Variants in USP13 observed in about 807,000 individuals in gnomAD.
USP13 encodes the protein ubiquitin carboxyl-terminal hydrolase 13.
In USP13, 68 loss-of-function variants were observed where a neutral mutation model predicts 107.8. That is an observed-to-expected ratio of 0.63 (90% CI 0.52 to 0.77). USP13 has a LOEUF of 0.77. USP13 is among the 30% of genes least tolerant of loss of function. USP13 has a pLI of 0.00. For missense variants in USP13, 945 were observed against 1,093.3 expected, an observed-to-expected ratio of 0.86 and a Z score of 1.91; for synonymous variants, 377 against 389.5, an observed-to-expected ratio of 0.97 and a Z score of 0.38.
intron 8 of USP13, among the ~76,000 whole-genome samples, chr3:179,725,651 T>A (rs1713487380): frequency 6.6e-6 from 1 of 152,182 alleles, no homozygotes. Context: ...GCTTTTTCTG[T>A]TTGGTTATTG....
chr3:179,758,699 C>A (rs1714895226), intron 16 of USP13, among the ~76,000 whole-genome samples: 2 of 151,920 alleles, frequency 1.3e-5, no homozygotes, highest in African/African-American at 4.8e-5. Context: ...GGGGTTTTAC[C>A]GTGTTAGCCA....
At position 179,675,140 on chromosome 3, in the gene USP13, A is replaced by G. The variant is rs956015173; in HGVS notation, c.169-6738A>G. ...CAGTGAGCAGAGATCACGCCACTGT[A>G]CTCCAGCCTGGGCGACAGAGTGACA... On this transcript the variant is annotated intron_variant, in intron 1 of 20. Transcript: ENST00000263966. 1.3e-5 allele frequency among the ~76,000 whole-genome samples: 2 copies of G among 151,070 alleles called. 1 individual carries two copies. The highest frequency in any genetic ancestry group is 2.9e-5 in the Non-Finnish European group (2 of 67,816).
chr3:179,664,851 G>T (rs936361653), intron 1 of USP13, among the ~76,000 whole-genome samples: 1 of 152,202 alleles, frequency 6.6e-6, no homozygotes, highest in Admixed American at 6.5e-5. Flanking sequence ...ACTTTGGGAG[G>T]CTGAGGTGGG....
intron 18 of USP13, among the ~76,000 whole-genome samples, chr3:179,765,322 A>G (rs1031366971): frequency 2.0e-5 from 3 of 152,254 alleles, no homozygotes; most frequent in African/African-American, 7.2e-5. Flanking sequence ...TAGTGTGTGC[A>G]ATTAAAGTGG....
intron 13 of USP13, 50 bp downstream of exon 13, chr3:179,745,267 G>A (rs1714360709): frequency 2.5e-6 from 4 of 1,578,078 alleles, no homozygotes; most frequent in Non-Finnish European, 3.5e-6. Flanking sequence ...GGCCTTGAGG[G>A]GTGGGGACAG....
At chr3:179,754,481 A>G (rs1304194467) in intron 14 of USP13, among the ~76,000 whole-genome samples, 1 of 152,196 alleles carries the variant, frequency 6.6e-6, no homozygotes, top group Non-Finnish European at 1.5e-5. Context: ...ATGGGCTGCC[A>G]ATTTGTAACC....
At chr3:179,718,740 G>A (rs1001778481) in intron 6 of USP13, among the ~76,000 whole-genome samples, 1 of 152,040 alleles carries the variant, frequency 6.6e-6, no homozygotes, top group Non-Finnish European at 1.5e-5. Context: ...GGCCTGAGGC[G>A]GGGCTCAAGA....
intron 1 of USP13, among the ~76,000 whole-genome samples, chr3:179,672,447 C>G (rs549056032): frequency 1.3e-5 from 2 of 150,204 alleles, no homozygotes; most frequent in African/African-American, 2.5e-5. Flanking sequence ...TGCAATGGCG[C>G]GATCTTGGCT....
chr3:179,679,809 T>G (rs1002985382), intron 1 of USP13, among the ~76,000 whole-genome samples: 6 of 148,730 alleles, frequency 4.0e-5, no homozygotes, highest in Admixed American at 3.4e-4. Context: ...TTTTTTTTTT[T>G]TTTTTTTTTT....
intron 15 of USP13, among the ~76,000 whole-genome samples, chr3:179,755,638 G>T (rs1714765174): frequency 6.6e-6 from 1 of 152,234 alleles, no homozygotes; most frequent in Non-Finnish European, 1.5e-5. Flanking sequence ...AAAAATAGTT[G>T]TCTCACCTTT....
At chr3:179,741,191 T>TTTTG (rs759413942) in intron 11 of USP13, among the ~76,000 whole-genome samples, 98 of 151,996 alleles carry the variant, frequency 6.4e-4, no homozygotes, top group East Asian at 2.9e-3. Context: ...AGCCAGTGTT[T>TTTTG]TTTGTTTGTT....
intron 1 of USP13, among the ~76,000 whole-genome samples, chr3:179,670,908 A>G (rs1159647361): frequency 2.6e-5 from 4 of 151,852 alleles, no homozygotes; most frequent in Non-Finnish European, 4.4e-5. Context: ...ATGTTGGCCA[A>G]GCTGGCTCGA....
intron 7 of USP13, among the ~76,000 whole-genome samples, chr3:179,720,320 C>T (rs533212321): frequency 2.2e-4 from 34 of 152,190 alleles, no homozygotes; most frequent in African/African-American, 7.7e-4. Flanking sequence ...GATGGGCAGT[C>T]GTGTGAATCA....
At position 179,776,858 on chromosome 3, in the gene USP13, G is replaced by GTTTTTTT. The variant is rs71628094; in HGVS notation, c.2414-4862_2414-4856dup. ...TTTTGGAGCGTGTTTTAGAGTGCTG[G>GTTTTTTT]TTTTTTTTTTTTTTTTTTTTTTTTT... On this transcript the variant is annotated intron_variant, in intron 19 of 20. Transcript: ENST00000263966. 6.4e-5 allele frequency among the ~76,000 whole-genome samples: 5 copies of GTTTTTTT among 78,284 alleles called. 1 individual carries two copies. Among genetic ancestry groups the GTTTTTTT allele is most frequent in the African/African-American group, 1.0e-4 (2 of 19,096 alleles). 51.4% of individuals were successfully genotyped at this position (78,284 alleles called of 152,430 possible). A position where few individuals can be genotyped will look rare whatever the true frequency, so the allele number is the denominator to read the frequency against.
chr3:179,672,104 A>T (rs73052583), intron 1 of USP13, among the ~76,000 whole-genome samples: 15,407 of 152,198 alleles, frequency 0.1, 1,309 homozygotes, highest in African/African-American at 0.23. Context: ...CGATTGACAA[A>T]GTAGTGTATT....
intron 16 of USP13, 116 bp from the exon 17 acceptor site, chr3:179,760,996 C>A: frequency 7.8e-7 from 1 of 1,278,284 alleles, no homozygotes; most frequent in Non-Finnish European, 1.1e-6. Flanking sequence ...CCATTATCTA[C>A]ACCCAACAGA....
At chr3:179,657,416 A>C (rs947858560) in intron 1 of USP13, among the ~76,000 whole-genome samples, 1 of 151,850 alleles carries the variant, frequency 6.6e-6, no homozygotes, top group African/African-American at 2.4e-5. Context: ...TAAAATAAAA[A>C]AATTAAAAAG....
chr3:179,670,386 C>A (rs2108442777), intron 1 of USP13, among the ~76,000 whole-genome samples: 1 of 152,284 alleles, frequency 6.6e-6, no homozygotes, highest in East Asian at 1.9e-4. Flanking sequence ...CTGCCGCTCA[C>A]CCCCATGGCC....
At chr3:179,756,203 T>C (rs192045072) in intron 15 of USP13, among the ~76,000 whole-genome samples, 43 of 152,142 alleles carry the variant, frequency 2.8e-4, no homozygotes, top group Non-Finnish European at 5.1e-4. Flanking sequence ...GGCGGGCAGA[T>C]CACGAAGTCA....
Sources: gnomAD v4.1 joint callset for allele counts (sites outside exome capture counted in the v4.1 genomes callset) on GRCh38, gnomAD v4.1.1 for gene constraint, MANE v1.5 for transcripts, NCBI Gene and HGNC (gene_info 2026-07-23, HGNC 2026-07-21) for gene names.